Variants in GLP1R observed in about 807,000 individuals in gnomAD.
GLP1R encodes glucagon like peptide 1 receptor, also known as glucagon-like peptide 1 receptor.
GLP1R carries 32 observed loss-of-function variants against 68.4 expected under a neutral mutation model. That is an observed-to-expected ratio of 0.47 (90% CI 0.35 to 0.63). GLP1R has a LOEUF of 0.63. Among genes scored for constraint, GLP1R ranks in the 20% least tolerant of loss-of-function variants. The probability of loss-of-function intolerance (pLI) is 0.00; values close to 1 mark genes in which losing one functional copy is unlikely to be tolerated. For synonymous variants in GLP1R, 263 were observed against 244.4 expected (o/e 1.08, Z -0.71); for missense variants, 502 against 594.9 (o/e 0.84, Z 1.62).
chr6:39,087,922 G>A lies in GLP1R; in HGVS notation c.*1849G>A, dbSNP rs10305524. On this transcript the variant is annotated 3_prime_UTR_variant, in exon 13 of 13. Coordinates refer to ENST00000373256, the MANE Select transcript of GLP1R (RefSeq NM_002062.5). ...ATTTGCTGTCTCTTCGTAAGCGTGG[G>A]CACCAGTGGGTTGATGTGGGAAACA... Among the ~76,000 whole-genome samples the A allele has an allele frequency of 3.9e-4, 59 of 152,294 alleles. No homozygotes were observed. In the South Asian group the frequency reaches 4.4e-3, roughly 11 times the overall value.
intron 1 of GLP1R, among the ~76,000 whole-genome samples, chr6:39,054,179 A>AC (rs1266791874): frequency 6.6e-6 from 1 of 150,840 alleles, no homozygotes; most frequent in East Asian, 1.9e-4. Flanking sequence ...TAAAGCATTG[A>AC]CCCCCGAGTA....
chr6:39,056,589 G>A, intron 2 of GLP1R, 96 bp downstream of exon 2: 2 of 669,390 alleles, frequency 3.0e-6, no homozygotes, highest in Admixed American at 2.2e-5. Context: ...GGAGCCATTT[G>A]CCTCTATAGG....
chr6:39,063,896 G>GCA (rs1562007912), intron 3 of GLP1R, among the ~76,000 whole-genome samples: 173 of 134,786 alleles, frequency 1.3e-3, no homozygotes, highest in African/African-American at 4.5e-3. Context: ...TCCCCATCGT[G>GCA]TACACACACA....
At chr6:39,085,756 A>C in intron 12 of GLP1R, 150 bp from the exon 13 acceptor site, 1 of 718,200 alleles carries the variant, frequency 1.4e-6, no homozygotes, top group South Asian at 1.8e-5. Flanking sequence ...TTTTATTGGG[A>C]TATTAATTTA....
intron 5 of GLP1R, among the ~76,000 whole-genome samples, chr6:39,069,515 C>T (rs913619048): frequency 1.1e-4 from 17 of 151,942 alleles, no homozygotes; most frequent in African/African-American, 3.6e-4. Context: ...CGCCTGTAGT[C>T]CCAGCTACTC....
chr6:39,058,642 TATC>T (rs112102888), intron 3 of GLP1R, among the ~76,000 whole-genome samples: 16,682 of 149,916 alleles, frequency 0.11, 1,008 homozygotes, highest in Admixed American at 0.18. Context: ...GATATTTCCC[TATC>T]ATCATCATCA....
chr6:39,069,360 G>A (rs1412461122), intron 5 of GLP1R, among the ~76,000 whole-genome samples: 9 of 152,290 alleles, frequency 5.9e-5, no homozygotes, highest in South Asian at 2.1e-4. Flanking sequence ...TTGGCCGGGC[G>A]CAGTGGCTCA....
chr6:39,052,439 T>C (rs1471887971), intron 1 of GLP1R, among the ~76,000 whole-genome samples: 2 of 152,062 alleles, frequency 1.3e-5, no homozygotes, highest in African/African-American at 4.8e-5. Flanking sequence ...GAAATTTGAG[T>C]TGGAATCCCT....
chr6:39,051,391 A>G (rs1768084498), intron 1 of GLP1R, among the ~76,000 whole-genome samples: 1 of 152,122 alleles, frequency 6.6e-6, no homozygotes, highest in Non-Finnish European at 1.5e-5. Flanking sequence ...GGGCTGCAGG[A>G]TAGTATGAGA....
Position 39,049,595 on chromosome 6 carries a change from G to T in GLP1R, c.78+677G>T, listed in dbSNP as rs1768039381. ...AAGGCTCAGTGCCCCCCTGGAAGCA[G>T]CCAGGCGCCCCCACTCACCCACTCT... On this transcript the variant is annotated intron_variant, in intron 1 of 12. Transcript: ENST00000373256. The surrounding 1 kb of genome is among the most constrained non-coding windows in gnomAD (Gnocchi z 4.5). Among the ~76,000 whole-genome samples, 1 of 152,118 alleles carries T rather than the reference G, an allele frequency of 6.6e-6. No individual in the cohort carries two copies. The highest frequency in any genetic ancestry group is 6.5e-5 in the Admixed American group (1 of 15,274).
At chr6:39,081,716 C>T (rs1227693947) in intron 12 of GLP1R, among the ~76,000 whole-genome samples, 1 of 152,154 alleles carries the variant, frequency 6.6e-6, no homozygotes, top group Admixed American at 6.5e-5. Flanking sequence ...CTCAAAGAAG[C>T]AATGTGATGT....
In GLP1R at chr6:39,088,450, C is replaced by T. The variant is rs1434103101; in HGVS notation, c.*2377C>T. Among the ~76,000 whole-genome samples, 2 of 152,140 alleles carry T rather than the reference C, an allele frequency of 1.3e-5. No homozygotes were observed. The highest frequency in any genetic ancestry group is 1.9e-4 in the East Asian group (1 of 5,200). On this transcript the variant is annotated 3_prime_UTR_variant, in exon 13 of 13. Transcript: ENST00000373256. ...TACATGCCTGATGCCTAATGCCATA[C>T]GCCTGGAACTTGCTGAGAACTCTCG...
Position 39,048,852 on chromosome 6 carries a change from C to A in GLP1R, c.12C>A (p.Ala4=). ...CTGAACTCCCCGCCATGGCCGGCGCCCCCGGCCCGCTGCGCCTTGCGCTGC... is the reference window on the plus strand; with the variant it reads ...CTGAACTCCCCGCCATGGCCGGCGCACCCGGCCCGCTGCGCCTTGCGCTGC... MAG[A]PGPLRLALLL... Residue 4 remains alanine, a synonymous_variant, in exon 1 of 13, where the codon GCC becomes GCA. Transcript: ENST00000373256. The A allele has an allele frequency of 1.3e-6, 2 of 1,486,058 alleles. No individual in the cohort carries two copies. The highest frequency in any genetic ancestry group is 1.8e-6 in the Non-Finnish European group (2 of 1,116,056). The allele number at this position is 1,486,058 out of a possible 1,614,324, so 92.1% of individuals were successfully genotyped here.
intron 5 of GLP1R, among the ~76,000 whole-genome samples, 170 bp from the exon 6 acceptor site, chr6:39,072,692 G>C (rs1009680706): frequency 6.6e-6 from 1 of 152,182 alleles, no homozygotes; most frequent in Non-Finnish European, 1.5e-5. Flanking sequence ...ATTTGAGTTG[G>C]ACAGAAGGAT....
At chr6:39,070,225 A>G (rs896009562) in intron 5 of GLP1R, among the ~76,000 whole-genome samples, 2 of 152,258 alleles carry the variant, frequency 1.3e-5, no homozygotes, top group African/African-American at 4.8e-5. Flanking sequence ...CACAACATTC[A>G]AATCATAGAA....
At position 39,049,119 on chromosome 6, in the gene GLP1R, A is replaced by G. The variant is rs1420873798; in HGVS notation, c.78+201A>G. The stretch of plus-strand genomic sequence containing the variant: ...GCCCAGGTGAGGGCTTGGACTACAG[A>G]GGATTCCCCCCAACCCCAGCGAGGC... On this transcript the variant is annotated intron_variant, in intron 1 of 12. Coordinates refer to ENST00000373256, the MANE Select transcript of GLP1R (RefSeq NM_002062.5). This position sits in a 1 kb window ranked among gnomAD's most constrained non-coding sequence, Gnocchi z 4.5. 6.6e-6 allele frequency among the ~76,000 whole-genome samples: 1 copy of G among 152,096 alleles called. No individual in the cohort carries two copies. The highest frequency in any genetic ancestry group is 1.5e-5 in the Non-Finnish European group (1 of 67,982).
chr6:39,082,105 G>A (rs1340251882), intron 12 of GLP1R, among the ~76,000 whole-genome samples: 3 of 152,140 alleles, frequency 2.0e-5, no homozygotes, highest in Non-Finnish European at 4.4e-5. Context: ...AGAAAATGAG[G>A]CTGGGTGAAA....
chr6:39,057,610 C>T lies in GLP1R; in HGVS notation c.283+31C>T, dbSNP rs760928687. 16 of 1,338,470 alleles carry T rather than the reference C, an allele frequency of 1.2e-5. No homozygotes were observed. In the South Asian group the frequency reaches 2.0e-4, roughly 17 times the overall value. 82.9% of individuals were successfully genotyped at this position (1,338,470 alleles called of 1,614,324 possible). On this transcript the variant is annotated intron_variant, in intron 3 of 12. Transcript: ENST00000373256. ...CCCCCTCCCCGACCTGGTACCTGCC[C>T]TGGGCCAGCAGTGGTGAACCCCCTC...
rs1768027220 is a variant in GLP1R at position 39,049,050 on chromosome 6, C to CG, written c.78+138dup. 2.1e-6 allele frequency: 1 copy of CG among 484,238 alleles called. No homozygotes were observed. The highest frequency in any genetic ancestry group is 3.3e-5 in the South Asian group (1 of 30,220). 30.0% of individuals were successfully genotyped at this position (484,238 alleles called of 1,614,324 possible). On this transcript the variant is annotated intron_variant, in intron 1 of 12. Transcript: ENST00000373256. The surrounding 1 kb of genome is among the most constrained non-coding windows in gnomAD (Gnocchi z 4.5). ...CGCTGGCGGGGGCATCCGAAAGCCT[C>CG]GGGGGGAGTAGGGACTGGAGACTTG...
Sources: gnomAD v4.1 joint callset for allele counts (sites outside exome capture counted in the v4.1 genomes callset) on GRCh38, gnomAD v4.1.1 for gene constraint, Gnocchi (gnomAD v3.1) non-coding constraint, MANE v1.5 for transcripts, NCBI Gene and HGNC (gene_info 2026-07-23, HGNC 2026-07-21) for gene names.